DST: variants seen among roughly 807,000 people sequenced by gnomAD.
The protein encoded by DST is bullous pemphigoid antigen.
In DST, 253 loss-of-function variants were observed where a neutral mutation model predicts 875.2. The ratio of observed to expected loss-of-function variants is 0.29; its 90% CI spans 0.26 to 0.32. DST has a LOEUF of 0.32. DST is among the 10% of genes least tolerant of loss of function. The pLI is 1.00. For missense variants in DST, 8,287 were observed against 9,111.6 expected, an observed-to-expected ratio of 0.91 and a Z score of 3.68; for synonymous variants, 3,124 against 3,197.1, an observed-to-expected ratio of 0.98 and a Z score of 0.77.
At chr6:56,715,075 G>A (rs1192602172) in intron 5 of DST, among the ~76,000 whole-genome samples, 1 of 152,120 alleles carries the variant, frequency 6.6e-6, no homozygotes, top group East Asian at 1.9e-4. Context: ...AACTTTTGTT[G>A]AATAAACAAA....
At chr6:56,745,036 C>A (rs1271843095) in intron 4 of DST, among the ~76,000 whole-genome samples, 2 of 152,176 alleles carry the variant, frequency 1.3e-5, no homozygotes, top group Non-Finnish European at 1.5e-5. Context: ...GAGGAAGCTA[C>A]TTAATAACTC....
intron 9 of DST, among the ~76,000 whole-genome samples, chr6:56,687,003 C>T (rs1165018662): frequency 1.3e-5 from 2 of 152,118 alleles, no homozygotes; most frequent in African/African-American, 4.8e-5. Flanking sequence ...AGTTCTCCTC[C>T]CCTACTCTGC....
chr6:56,822,613 A>C (rs1343967288), intron 4 of DST, among the ~76,000 whole-genome samples: 1 of 152,184 alleles, frequency 6.6e-6, no homozygotes, highest in African/African-American at 2.4e-5. Context: ...GTAAAAAGTA[A>C]AAGTTCACAG....
Position 56,486,207 on chromosome 6 carries a change from C to T in DST, c.21048-736G>A, listed in dbSNP as rs189311751. Among the ~76,000 whole-genome samples the T allele has an allele frequency of 5.5e-3, 831 of 151,508 alleles. 1 individual carries two copies. The highest frequency in any genetic ancestry group is 9.2e-3 in the Non-Finnish European group (626 of 67,794). ...TGAAACCCCGTCTCTACTAAAAATA[C>T]AAAAAATTAGCCGGGCGTAGTGGCG... On this transcript the variant is annotated intron_variant, in intron 87 of 103. Coordinates refer to ENST00000680361, the MANE Select transcript of DST (RefSeq NM_001374736.1).
chr6:56,824,680 C>G (rs1412436862), intron 4 of DST, among the ~76,000 whole-genome samples: 3 of 151,280 alleles, frequency 2.0e-5, no homozygotes, highest in Non-Finnish European at 4.4e-5. Context: ...AGGTGAGGAG[C>G]GTCTGTGCCC....
At chr6:56,493,232 T>C in intron 83 of DST, 143 bp from the exon 84 acceptor site, 1 of 641,246 alleles carries the variant, frequency 1.6e-6, no homozygotes, top group Non-Finnish European at 2.4e-6. Context: ...AAATATCTTA[T>C]AAATGTAATG....
At chr6:56,659,756 T>C (rs971939432) in intron 10 of DST, among the ~76,000 whole-genome samples, 1 of 152,138 alleles carries the variant, frequency 6.6e-6, no homozygotes, top group African/African-American at 2.4e-5. Context: ...TTTTTGTTGA[T>C]TGTTGTTTTA....
intron 82 of DST, among the ~76,000 whole-genome samples, chr6:56,495,540 C>CATG (rs2095874269): frequency 2.0e-5 from 3 of 151,926 alleles, no homozygotes; most frequent in African/African-American, 7.2e-5. Context: ...TCTATCTGTT[C>CATG]ATGAGTTCAT....
intron 100 of DST, 185 bp from the exon 101 acceptor site, chr6:56,463,949 T>TA: frequency 1.4e-6 from 1 of 724,774 alleles, no homozygotes; most frequent in Non-Finnish European, 2.5e-6. Context: ...TACAATGCAT[T>TA]CCTTTTGGAT....
chr6:56,786,799 G>A (rs927420063), intron 4 of DST, among the ~76,000 whole-genome samples: 2 of 152,052 alleles, frequency 1.3e-5, no homozygotes, highest in Non-Finnish European at 2.9e-5. Context: ...CTGGGATTAC[G>A]TGGGAATCAC....
At position 56,602,900 on chromosome 6, in the gene DST, T is replaced by C. The variant is rs2098458897; in HGVS notation, c.11289A>G (p.Lys3763=). 28 of 1,546,732 alleles carry C rather than the reference T, an allele frequency of 1.8e-5. No homozygotes were observed. Among genetic ancestry groups the C allele is most frequent in the Non-Finnish European group, 2.4e-5 (28 of 1,155,812 alleles). Residue 3763 remains lysine (K), a synonymous_variant, in exon 43 of 104, where the codon AAA becomes AAG. Coordinates refer to ENST00000680361, the MANE Select transcript of DST (RefSeq NM_001374736.1). ...TACTTGCCTTGAGAAACTCCAAACGTTTCTTTACATACTCAGAATCTTGAA... is the reference window on the plus strand; with the variant it reads ...TACTTGCCTTGAGAAACTCCAAACGCTTCTTTACATACTCAGAATCTTGAA... ...VNVQDSEYVK[K]RLEFLKNVLK...
chr6:56,607,953 G>C lies in DST; in HGVS notation c.6675C>G (p.Asp2225Glu). The change falls in exon 40 of 104, where the codon GAC (aspartate) becomes GAG (glutamate). Residue 2225 changes from aspartate to glutamate, a missense_variant. Transcript: ENST00000680361. ...GTAGCATGCCAACAGCCTCATCCAAGTCTCCATCGTACAGCAAAAGCCTTT... is the reference window on the plus strand; with the variant it reads ...GTAGCATGCCAACAGCCTCATCCAACTCTCCATCGTACAGCAAAAGCCTTT... ...TGQRLLLYDGDLDEAVGMLLE... is the reference protein window; with the variant it reads ...TGQRLLLYDGELDEAVGMLLE... 1.9e-6 allele frequency: 3 copies of C among 1,613,536 alleles called. No homozygotes were observed. The highest frequency in any genetic ancestry group is 2.5e-6 in the Non-Finnish European group (3 of 1,179,700).
intron 3 of DST, among the ~76,000 whole-genome samples, chr6:56,858,936 T>G (rs1172878986): frequency 1.3e-5 from 2 of 152,202 alleles, no homozygotes; most frequent in African/African-American, 4.8e-5. Context: ...CAGCCAGGAT[T>G]TCCATATAGG....
chr6:56,794,437 G>C (rs1190340912), intron 4 of DST, among the ~76,000 whole-genome samples: 6 of 152,156 alleles, frequency 3.9e-5, no homozygotes, highest in Admixed American at 2.6e-4. Flanking sequence ...AGAAGAACAA[G>C]GGCATTTGGT....
At position 56,847,058 on chromosome 6, in the gene DST, T is replaced by C. The variant is rs148206837; in HGVS notation, c.625+4339A>G. ...TTGGCCAGGCCCTGTGGCTCACTCC[T>C]ATAATCCCAACACTTTGGGAGGCCC... On this transcript the variant is annotated intron_variant, in intron 4 of 103. Coordinates refer to ENST00000680361, the MANE Select transcript of DST (RefSeq NM_001374736.1). Among the ~76,000 whole-genome samples the C allele has an allele frequency of 3.5e-3, 508 of 145,718 alleles. 4 individuals carry two copies. Among genetic ancestry groups the C allele is most frequent in the African/African-American group, 0.013 (492 of 39,154 alleles).
Position 56,610,452 on chromosome 6 carries a change from G to A in DST, c.5258C>T (p.Ser1753Leu), listed in dbSNP as rs765577622. 2.6e-5 allele frequency: 41 copies of A among 1,564,576 alleles called. No individual in the cohort carries two copies. Among genetic ancestry groups the A allele is most frequent in the Middle Eastern group, 1.7e-4 (1 of 5,974 alleles). ...SLKQLQESQT[S>L]GDVKVEEKLD... The stretch of plus-strand genomic sequence containing the variant: ...CTTCTCCTCTACCTTTACATCTCCT[G>A]AGGTTTGTGATTCTTGTAGCTGTTT... Residue 1753 changes from serine (S) to leucine (L), a missense_variant, in exon 39 of 104, where the codon TCA becomes TTA. By Grantham distance (145) the Ser-to-Leu change is moderately radical. Transcript: ENST00000680361.
intron 53 of DST, among the ~76,000 whole-genome samples, chr6:56,570,892 G>C (rs1339060706): frequency 1.3e-5 from 2 of 152,204 alleles, no homozygotes; most frequent in African/African-American, 4.8e-5. Flanking sequence ...CACAGAACCA[G>C]AAGGGAAAGG....
chr6:56,722,462 C>T (rs368573511), intron 5 of DST, among the ~76,000 whole-genome samples: 51 of 152,216 alleles, frequency 3.4e-4, no homozygotes, highest in Non-Finnish European at 6.9e-4. Flanking sequence ...CGGCTCACTG[C>T]AACCTCTGCC....
chr6:56,487,306 C>A (rs778541999), intron 86 of DST, 33 bp from the exon 87 acceptor site: 2 of 1,514,728 alleles, frequency 1.3e-6, no homozygotes, highest in South Asian at 1.4e-5. Context: ...ATGCGAATTT[C>A]TTCTTGGGAC....
Sources: gnomAD v4.1 joint callset for allele counts (sites outside exome capture counted in the v4.1 genomes callset) on GRCh38, gnomAD v4.1.1 for gene constraint, MANE v1.5 for transcripts, NCBI Gene and HGNC (gene_info 2026-07-23, HGNC 2026-07-21) for gene names.